Variants in PCNX3 observed in about 807,000 individuals in gnomAD.
PCNX3 encodes pecanex 3.
A neutral mutation model predicts 207.2 loss-of-function variants in PCNX3; 58 were observed. The observed-to-expected ratio is 0.28, with a 90% confidence interval of 0.23 to 0.35. The LOEUF (loss-of-function observed/expected upper bound fraction) is 0.35, where lower values mean the gene tolerates loss of function less well. PCNX3 is among the 10% of genes least tolerant of loss of function. The pLI is 1.00. For synonymous variants in PCNX3, 1,337 were observed against 1,183.5 expected (o/e 1.13, Z -2.66); for missense variants, 2,410 against 2,774.4 (o/e 0.87, Z 2.95).
In PCNX3 at chr11:65,629,694, A is replaced by G. The variant is rs751404735; in HGVS notation, c.4175A>G (p.Asn1392Ser). The G allele has an allele frequency of 2.2e-5, 34 of 1,558,364 alleles. No homozygotes were observed. The highest frequency in any genetic ancestry group is 6.8e-5 in the African/African-American group (5 of 73,404). ...CTGGTGCACCTCATCGAGGTTGGCA[A>G]TGGCCTCGTCACCTTCCAGCTGCGT... ...NALVHLIEVGNGLVTFQLRGL... is the reference protein window; with the variant it reads ...NALVHLIEVGSGLVTFQLRGL... Residue 1392 changes from asparagine (N) to serine (S), a missense_variant, in exon 26 of 35, where the codon AAT becomes AGT. Asn to Ser is a conservative substitution (Grantham distance 46). Coordinates refer to ENST00000355703, the MANE Select transcript of PCNX3 (RefSeq NM_032223.4).
intron 24 of PCNX3, 69 bp downstream of exon 24, chr11:65,629,017 A>T: frequency 1.3e-6 from 2 of 1,578,968 alleles, no homozygotes; most frequent in Middle Eastern, 1.7e-4. Flanking sequence ...CCCAGGCTGG[A>T]GGCCACCCAC....
At position 65,626,577 on chromosome 11, in the gene PCNX3, T is replaced by C. The variant is rs1321460971; in HGVS notation, c.3380-327T>C. 2.5e-5 allele frequency: 11 copies of C among 446,634 alleles called. No individual in the cohort carries two copies. The Admixed American group carries it at 2.9e-4, about 12-fold the overall frequency. The allele number at this position is 446,634 out of a possible 1,614,324, so 27.7% of individuals were successfully genotyped here. ...AGCCTGAACCGAGGGGTCTGCCCTT[T>C]AGAAGGGCCCAGCTCACGGGCTCAC... On this transcript the variant is annotated intron_variant, in intron 20 of 34. Transcript: ENST00000355703.
At chr11:65,623,082 C>T (rs967874222) in intron 11 of PCNX3, among the ~76,000 whole-genome samples, 2 of 152,188 alleles carry the variant, frequency 1.3e-5, no homozygotes, top group Admixed American at 6.5e-5. Context: ...GGGCCTAGAG[C>T]CCATGTGGCT....
At chr11:65,633,455 G>C (rs1590904093) in intron 27 of PCNX3, among the ~76,000 whole-genome samples, 1 of 152,160 alleles carries the variant, frequency 6.6e-6, no homozygotes, top group Non-Finnish European at 1.5e-5. Flanking sequence ...TGCCCTTCCG[G>C]CCCCGAGATC....
At chr11:65,619,487 G>A (rs770786977) in intron 6 of PCNX3, 50 bp from the exon 7 acceptor site, 6 of 1,597,028 alleles carry the variant, frequency 3.8e-6, no homozygotes, top group African/African-American at 1.3e-5. Context: ...TACTCCCCCA[G>A]CCTTGTCTGA....
chr11:65,634,007 G>A, intron 27 of PCNX3, 119 bp from the exon 28 acceptor site: 2 of 927,484 alleles, frequency 2.2e-6, no homozygotes, highest in South Asian at 1.7e-5. Context: ...TCTAGGAGCG[G>A]GGCATCCCAG....
chr11:65,620,513 C>T, intron 9 of PCNX3, 84 bp downstream of exon 9: 2 of 1,456,368 alleles, frequency 1.4e-6, no homozygotes, highest in Non-Finnish European at 1.9e-6. Flanking sequence ...AGTTTGCTCT[C>T]TTCCTGCTGG....
intron 25 of PCNX3, 45 bp from the exon 26 acceptor site, chr11:65,629,475 C>A (rs777581247): frequency 6.2e-7 from 1 of 1,611,596 alleles, no homozygotes; most frequent in Admixed American, 1.7e-5. Context: ...GGGAGCCTCG[C>A]TAACTTGTCA....
At chr11:65,624,435 C>A (rs368192591) in intron 14 of PCNX3, 36 bp from the exon 15 acceptor site, 7 of 1,558,824 alleles carry the variant, frequency 4.5e-6, no homozygotes, top group Admixed American at 1.9e-5. Flanking sequence ...GGAAAGCCAG[C>A]AGGCTGACCA....
At chr11:65,634,491 G>A (rs1466923112) in intron 28 of PCNX3, 47 bp from the exon 29 acceptor site, 2 of 1,541,754 alleles carry the variant, frequency 1.3e-6, no homozygotes, top group Non-Finnish European at 1.7e-6. Context: ...CAAGGTCCCT[G>A]TCCCAGGTCT....
chr11:65,637,290 C>G lies in PCNX3; in HGVS notation c.*312C>G, dbSNP rs1590913091. 4 of 397,618 alleles carry G rather than the reference C, an allele frequency of 1.0e-5. No homozygotes were observed. The highest frequency in any genetic ancestry group is 1.4e-5 in the Non-Finnish European group (3 of 218,338). 24.6% of individuals were successfully genotyped at this position (397,618 alleles called of 1,614,324 possible). A position where few individuals can be genotyped will look rare whatever the true frequency, so the allele number is the denominator to read the frequency against. On this transcript the variant is annotated 3_prime_UTR_variant, in exon 35 of 35. Coordinates refer to ENST00000355703, the MANE Select transcript of PCNX3 (RefSeq NM_032223.4). The stretch of plus-strand genomic sequence containing the variant: ...AGGACCACCTCAGCCCCTGGGCCTG[C>G]ACTGCCTGCAGGTGTGGCCCCCTTG...
chr11:65,627,755 G>A (rs879560544), intron 22 of PCNX3, among the ~76,000 whole-genome samples, 173 bp downstream of exon 22: 10 of 152,086 alleles, frequency 6.6e-5, no homozygotes, highest in Admixed American at 6.5e-4. Context: ...CTACAGAGAG[G>A]AAGCAGGCTG....
chr11:65,636,994 C>A lies in PCNX3; in HGVS notation c.*16C>A. The A allele has an allele frequency of 6.4e-7, 1 of 1,559,076 alleles. No homozygotes were observed. Reference sequence around the variant, plus strand: ...CCAGTACTGAGCTACCTGGCGCCCACTGGACCACCTCCTAGGATTCAGTAA... The same window carrying A: ...CCAGTACTGAGCTACCTGGCGCCCAATGGACCACCTCCTAGGATTCAGTAA... On this transcript the variant is annotated 3_prime_UTR_variant, in exon 35 of 35. Coordinates refer to ENST00000355703, the MANE Select transcript of PCNX3 (RefSeq NM_032223.4).
rs780940734 is a variant in PCNX3, at chr11:65,619,622, C to T, written c.1791C>T (p.Asn597=). ...AIRRRHNAGS[N]PTPPASVMGS... The stretch of plus-strand genomic sequence containing the variant: ...GGAGACGCCACAATGCAGGCAGCAA[C>T]CCCACCCCTCCAGCCTCTGTCATGG... Residue 597 remains asparagine, a synonymous_variant, in exon 7 of 35, where the codon AAC becomes AAT. Coordinates refer to ENST00000355703, the MANE Select transcript of PCNX3 (RefSeq NM_032223.4). The T allele has an allele frequency of 1.6e-5, 26 of 1,603,244 alleles. No individual in the cohort carries two copies. The South Asian group carries it at 2.9e-4, about 18-fold the overall frequency.
intron 27 of PCNX3, among the ~76,000 whole-genome samples, chr11:65,632,793 G>A (rs938631164): frequency 4.0e-5 from 6 of 150,764 alleles, no homozygotes; most frequent in African/African-American, 1.2e-4. Flanking sequence ...CACCCAGGCT[G>A]GAGTGCAGTG....
At position 65,637,265 on chromosome 11, in the gene PCNX3, A is replaced by G; in HGVS notation, c.*287A>G. ...CTGGTCCCACTTGGAGCCTGTGGCC[A>G]GGACCACCTCAGCCCCTGGGCCTGC... On this transcript the variant is annotated 3_prime_UTR_variant, in exon 35 of 35. Coordinates refer to ENST00000355703, the MANE Select transcript of PCNX3 (RefSeq NM_032223.4). 2.1e-6 allele frequency: 1 copy of G among 468,118 alleles called. No individual in the cohort carries two copies. The highest frequency in any genetic ancestry group is 2.9e-5 in the South Asian group (1 of 34,096). The allele number at this position is 468,118 out of a possible 1,614,324, so 29.0% of individuals were successfully genotyped here.
At chr11:65,630,672 A>AGT (rs1326905352) in intron 27 of PCNX3, 68 bp downstream of exon 27, 3 of 1,553,414 alleles carry the variant, frequency 1.9e-6, no homozygotes, top group Admixed American at 3.6e-5. Flanking sequence ...CAGAGGCCCC[A>AGT]GTACCCCCTT....
intron 21 of PCNX3, 90 bp from the exon 22 acceptor site, chr11:65,627,315 C>T (rs1469178229): frequency 7.2e-7 from 1 of 1,396,236 alleles, no homozygotes; most frequent in East Asian, 2.5e-5. Flanking sequence ...CCAGGGGTTG[C>T]TCTCCGGCCA....
chr11:65,623,231 A>G (rs1040498531), intron 11 of PCNX3, among the ~76,000 whole-genome samples: 2 of 152,202 alleles, frequency 1.3e-5, no homozygotes, highest in African/African-American at 4.8e-5. Flanking sequence ...GAATCCCGGG[A>G]GTAATGGCAC....
Sources: allele counts gnomAD v4.1 joint callset (sites outside exome capture counted in the v4.1 genomes callset), GRCh38; gene constraint gnomAD v4.1.1; transcripts MANE v1.5; gene names NCBI Gene and HGNC (gene_info 2026-07-23, HGNC 2026-07-21).